Variants in SAMD12 observed in about 807,000 individuals in gnomAD.
SAMD12 encodes the protein sterile alpha motif domain-containing protein 12.
In SAMD12, 9 loss-of-function variants were observed where a neutral mutation model predicts 15.0. The observed-to-expected ratio is 0.60, with a 90% CI of 0.36 to 1.05. The LOEUF (loss-of-function observed/expected upper bound fraction) is 1.05. Ranked by LOEUF, SAMD12 falls within the 50% of genes least tolerant of loss-of-function variation. The pLI, the probability that SAMD12 is intolerant of heterozygous loss-of-function variation, is 0.01. For missense variants in SAMD12, 230 were observed against 234.2 expected, an observed-to-expected ratio of 0.98 and a Z score of 0.12; for synonymous variants, 86 against 90.1, an observed-to-expected ratio of 0.96 and a Z score of 0.25.
At chr8:118,481,104 G>A (rs1824112789) in intron 2 of SAMD12, among the ~76,000 whole-genome samples, 2 of 151,918 alleles carry the variant, frequency 1.3e-5, no homozygotes, top group South Asian at 4.2e-4. Context: ...CACCAAGCCT[G>A]GCTAATTTTT....
intron 2 of SAMD12, among the ~76,000 whole-genome samples, chr8:118,562,591 CA>C (rs1826735545): frequency 6.6e-6 from 1 of 151,750 alleles, no homozygotes; most frequent in South Asian, 2.1e-4. Flanking sequence ...GAACGAGCAC[CA>C]AAAAAGGGGA....
chr8:118,621,867 CT>C lies in SAMD12; in HGVS notation c.-52del. ...CATAATTTTCTTGGCCGAGGTACTC[CT>C]CCTGCCCCGCGCTCCCCCCTTCCTC... On this transcript the variant is annotated 5_prime_UTR_variant, in exon 1 of 4. Transcript: ENST00000314727. The C allele has an allele frequency of 6.3e-7, 1 of 1,599,938 alleles. No homozygotes were observed. Among genetic ancestry groups the C allele is most frequent in the Non-Finnish European group, 8.6e-7 (1 of 1,167,122 alleles).
At chr8:118,142,571 T>C in the SAMD12 span, among the ~76,000 whole-genome samples, 1 of 152,212 alleles carries the variant, frequency 6.6e-6, no homozygotes, top group Non-Finnish European at 1.5e-5. Flanking sequence ...AAACCTCAGA[T>C]CAACGGGCTA....
chr8:118,560,701 T>A (rs1435561477), intron 2 of SAMD12, among the ~76,000 whole-genome samples: 1 of 152,184 alleles, frequency 6.6e-6, no homozygotes, highest in African/African-American at 2.4e-5. Context: ...GAATGTATAA[T>A]AATTCCTATT....
At chr8:118,157,290 C>T in the SAMD12 span, among the ~76,000 whole-genome samples, 1 of 152,134 alleles carries the variant, frequency 6.6e-6, no homozygotes, top group Non-Finnish European at 1.5e-5. Context: ...TTGAATGGCT[C>T]TCTGCGGGTA....
At chr8:118,389,191 A>T (rs1051875036) in intron 3 of SAMD12, among the ~76,000 whole-genome samples, 2 of 152,238 alleles carry the variant, frequency 1.3e-5, no homozygotes, top group Admixed American at 1.3e-4. Context: ...GTTCTCAAAA[A>T]GTTAATCATC....
At chr8:118,488,890 A>G (rs1035555880) in intron 2 of SAMD12, among the ~76,000 whole-genome samples, 1 of 152,358 alleles carries the variant, frequency 6.6e-6, no homozygotes, top group Admixed American at 6.5e-5. Context: ...ATGCTTAGTC[A>G]TAAGTTAAGT....
the SAMD12 span, among the ~76,000 whole-genome samples, chr8:118,166,527 C>T: frequency 9.9e-3 from 1,514 of 152,194 alleles, 27 homozygotes; most frequent in South Asian, 0.06. Context: ...AAAATTAATG[C>T]TTTGTACTTT....
At chr8:118,496,424 G>A (rs995259580) in intron 2 of SAMD12, among the ~76,000 whole-genome samples, 1 of 151,988 alleles carries the variant, frequency 6.6e-6, no homozygotes, top group Admixed American at 6.6e-5. Context: ...CTGCATACCT[G>A]CAACCATCTA....
rs775518160 is a variant in SAMD12, at chr8:118,430,458, G to C, written c.322+9374C>G. On this transcript the variant is annotated intron_variant, in intron 3 of 3. Transcript: ENST00000314727. ...GCTCACTGCAACCTCCGCCTCCCAG[G>C]TTCAAGCGATTCTCCTGCTTCAGCC... Among the ~76,000 whole-genome samples the C allele has an allele frequency of 4.3e-4, 65 of 151,824 alleles. 1 individual carries two copies. The highest frequency in any genetic ancestry group is 1.5e-4 in the Non-Finnish European group (10 of 67,980).
intron 4 of SAMD12, among the ~76,000 whole-genome samples, chr8:118,213,296 T>A (rs1370873977): frequency 6.6e-6 from 1 of 152,168 alleles, no homozygotes; most frequent in Non-Finnish European, 1.5e-5. Flanking sequence ...TTTCTTTGTG[T>A]CTGTTCTGGG....
chr8:118,247,426 G>C (rs1052739490), intron 4 of SAMD12, among the ~76,000 whole-genome samples: 2 of 151,872 alleles, frequency 1.3e-5, no homozygotes, highest in Admixed American at 1.3e-4. Flanking sequence ...AAATGTTCTC[G>C]CTATAAAGAA....
At chr8:118,519,499 TC>T (rs1825331718) in intron 2 of SAMD12, among the ~76,000 whole-genome samples, 1 of 152,248 alleles carries the variant, frequency 6.6e-6, no homozygotes, top group Admixed American at 6.5e-5. Flanking sequence ...GGGCTATTTT[TC>T]TAATGAATGT....
chr8:118,358,864 G>C (rs1385149393), intron 4 of SAMD12, among the ~76,000 whole-genome samples: 1 of 152,182 alleles, frequency 6.6e-6, no homozygotes, highest in Admixed American at 6.5e-5. Context: ...CACTGGATGA[G>C]AGAGAATGGT....
rs61218544 is a variant in SAMD12 at position 118,559,050 on chromosome 8, A to C, written c.192+21665T>G. Reference sequence around the variant, plus strand: ...AAAATGAGAGATATTTAATGATTCTATAATATCTCAAAAGGATTCCCTCCA... The same window carrying C: ...AAAATGAGAGATATTTAATGATTCTCTAATATCTCAAAAGGATTCCCTCCA... On this transcript the variant is annotated intron_variant, in intron 2 of 3. Coordinates refer to ENST00000314727, the MANE Select transcript of SAMD12 (RefSeq NM_207506.3). Among the ~76,000 whole-genome samples the C allele has an allele frequency of 8.7e-3, 1,327 of 152,298 alleles. 26 individuals carry two copies. Among genetic ancestry groups the C allele is most frequent in the African/African-American group, 0.031 (1,270 of 41,552 alleles).
chr8:118,265,584 T>C (rs185381787), intron 4 of SAMD12, among the ~76,000 whole-genome samples: 1 of 152,160 alleles, frequency 6.6e-6, no homozygotes, highest in African/African-American at 2.4e-5. Flanking sequence ...ATTGGCTGTG[T>C]GTCCTTGTTT....
At chr8:118,153,413 T>A in the SAMD12 span, among the ~76,000 whole-genome samples, 1 of 152,168 alleles carries the variant, frequency 6.6e-6, no homozygotes, top group Non-Finnish European at 1.5e-5. Flanking sequence ...GAAAGGAAAG[T>A]ACACTCTGTT....
the SAMD12 span, among the ~76,000 whole-genome samples, chr8:118,139,255 A>G: frequency 6.6e-6 from 1 of 152,114 alleles, no homozygotes; most frequent in Non-Finnish European, 1.5e-5. Context: ...TACACTGGAG[A>G]GAAACCCAAT....
intron 2 of SAMD12, among the ~76,000 whole-genome samples, chr8:118,452,300 T>C (rs973616874): frequency 2.6e-5 from 4 of 152,194 alleles, no homozygotes; most frequent in African/African-American, 9.7e-5. Flanking sequence ...GATGGACTGT[T>C]CAATTCAGAC....
Sources: allele counts gnomAD v4.1 joint callset (sites outside exome capture counted in the v4.1 genomes callset), GRCh38; gene constraint gnomAD v4.1.1; transcripts MANE v1.5; gene names NCBI Gene and HGNC (gene_info 2026-07-23, HGNC 2026-07-21).